ARHGAP5: variants seen among roughly 807,000 people sequenced by gnomAD.
The protein encoded by ARHGAP5 is Rho GTPase activating protein 5, also known as rho GTPase-activating protein 5.
Under a neutral mutation model 116.6 loss-of-function variants are expected in ARHGAP5, and 23 were observed. The observed-to-expected ratio is 0.20, with a 90% CI of 0.14 to 0.28. The LOEUF (loss-of-function observed/expected upper bound fraction) is 0.28, where lower values mean the gene tolerates loss of function less well. ARHGAP5 is among the 10% of genes least tolerant of loss of function. ARHGAP5 has a pLI of 1.00. For missense variants in ARHGAP5, 1,405 were observed against 1,774.8 expected (o/e 0.79, Z 3.74); for synonymous variants, 574 against 602.0 (o/e 0.95, Z 0.68).
chr14:32,146,135 C>T, intron 3 of ARHGAP5, 128 bp from the exon 4 acceptor site: 1 of 616,918 alleles, frequency 1.6e-6, no homozygotes, highest in Middle Eastern at 2.8e-4. Flanking sequence ...TGGGCTCAAA[C>T]TCCTGGGCCA....
intron 1 of ARHGAP5, among the ~76,000 whole-genome samples, chr14:32,087,866 A>C (rs1019825507): frequency 6.6e-6 from 1 of 152,028 alleles, no homozygotes; most frequent in African/African-American, 2.4e-5. Context: ...GATGTGTTGA[A>C]GCCTTAGTAT....
intron 6 of ARHGAP5, chr14:32,154,219 C>T (rs188930920): frequency 1.1e-3 from 195 of 172,068 alleles, no homozygotes; most frequent in South Asian, 3.8e-3. Flanking sequence ...GGCGCGATCT[C>T]GGCTCACCAC....
chr14:32,131,852 G>A (rs549147379), intron 3 of ARHGAP5, among the ~76,000 whole-genome samples: 1 of 152,112 alleles, frequency 6.6e-6, no homozygotes, highest in South Asian at 2.1e-4. Context: ...TTTTGTCCTT[G>A]CGATAGTTTG....
Position 32,159,312 on chromosome 14 carries a change from T to G in ARHGAP5, c.*4364T>G, listed in dbSNP as rs770631680. 3.3e-5 allele frequency: 5 copies of G among 152,188 alleles called. No homozygotes were observed. Among genetic ancestry groups the G allele is most frequent in the African/African-American group, 4.8e-5 (2 of 41,470 alleles). The allele number at this position is 152,188 out of a possible 1,614,324, so 9.4% of individuals were successfully genotyped here. ...TTGTTTATTCTCACAATTCAGATTT[T>G]CTATTCAGTTTTGTCTCAAATAGTA... On this transcript the variant is annotated 3_prime_UTR_variant, in exon 7 of 7. Transcript: ENST00000345122.
intron 2 of ARHGAP5, among the ~76,000 whole-genome samples, chr14:32,116,873 T>C (rs1341687578): frequency 6.6e-6 from 1 of 152,196 alleles, no homozygotes; most frequent in African/African-American, 2.4e-5. Context: ...AAAAGTGATA[T>C]TTTCTATTCT....
chr14:32,082,537 A>G (rs749283371), intron 1 of ARHGAP5, among the ~76,000 whole-genome samples: 39 of 151,746 alleles, frequency 2.6e-4, no homozygotes, highest in Non-Finnish European at 5.0e-4. Context: ...TTGCTCTTTT[A>G]TTGATTAATT....
intron 2 of ARHGAP5, among the ~76,000 whole-genome samples, chr14:32,103,644 CA>C (rs1489532748): frequency 6.6e-6 from 1 of 152,022 alleles, no homozygotes; most frequent in East Asian, 1.9e-4. Flanking sequence ...ATAGGTTTGC[CA>C]ATTTATGTAC....
intron 2 of ARHGAP5, among the ~76,000 whole-genome samples, chr14:32,097,838 T>C (rs1594351827): frequency 6.6e-6 from 1 of 152,156 alleles, no homozygotes; most frequent in East Asian, 1.9e-4. Flanking sequence ...AACAGAAAAC[T>C]AGAGAAAGTA....
Position 32,091,554 on chromosome 14 carries a change from T to C in ARHGAP5, c.885T>C (p.Asn295=), listed in dbSNP as rs144586464. The change falls in exon 2 of 7, where the codon AAT becomes AAC. Residue 295 remains asparagine (N), a synonymous_variant. Transcript: ENST00000345122. ...ATGCAACTTGGAAAACTGTTAGTAATAAATTAAAAAATCATCCTGATTATG... is the reference window on the plus strand; with the variant it reads ...ATGCAACTTGGAAAACTGTTAGTAACAAATTAAAAAATCATCCTGATTATG... The part of the protein sequence containing the change: ...DYHATWKTVS[N]KLKNHPDYEE... 319 of 1,611,714 alleles carry C rather than the reference T, an allele frequency of 2.0e-4. No individual in the cohort carries two copies. The highest frequency in any genetic ancestry group is 8.0e-4 in the Admixed American group (48 of 59,658).
rs756377108 is a variant in ARHGAP5, at chr14:32,091,769, T to C, written c.1100T>C (p.Leu367Ser). 1 of 1,613,712 alleles carries C rather than the reference T, an allele frequency of 6.2e-7. No individual in the cohort carries two copies. Among genetic ancestry groups the C allele is most frequent in the Non-Finnish European group, 8.5e-7 (1 of 1,179,676 alleles). ...EHLNWSEALK[L>S]MEKRADFQLC... ...TTGAATTGGTCAGAAGCTTTGAAGT[T>C]AATGGAAAAGAGAGCAGATTTCCAG... Residue 367 changes from leucine to serine, a missense_variant, in exon 2 of 7, where the codon TTA (leucine) becomes TCA (serine). Leu to Ser is a moderately radical substitution (Grantham distance 145). Coordinates refer to ENST00000345122, the MANE Select transcript of ARHGAP5 (RefSeq NM_001030055.2).
chr14:32,142,637 C>T (rs1881180037), intron 3 of ARHGAP5, among the ~76,000 whole-genome samples: 1 of 152,206 alleles, frequency 6.6e-6, no homozygotes, highest in African/African-American at 2.4e-5. Flanking sequence ...GGTTGAAATC[C>T]ATGACCACAG....
intron 3 of ARHGAP5, 148 bp downstream of exon 3, chr14:32,117,435 A>G: frequency 1.4e-6 from 1 of 703,686 alleles, no homozygotes; most frequent in East Asian, 3.3e-5. Context: ...TAACCATCTG[A>G]TATTTGAAAG....
intron 3 of ARHGAP5, among the ~76,000 whole-genome samples, chr14:32,125,345 C>A (rs1023733634): frequency 6.6e-6 from 1 of 152,142 alleles, no homozygotes; most frequent in African/African-American, 2.4e-5. Context: ...TGTGTATATA[C>A]ATACATACAT....
intron 3 of ARHGAP5, among the ~76,000 whole-genome samples, chr14:32,140,066 C>CTTT (rs764763402): frequency 5.4e-4 from 15 of 28,014 alleles, no homozygotes; most frequent in African/African-American, 1.9e-3. Flanking sequence ...TTTTCTCTCT[C>CTTT]TTTTTTTTTT....
intron 3 of ARHGAP5, among the ~76,000 whole-genome samples, chr14:32,140,087 G>GTTTTTTTTTT (rs1881028802): frequency 6.7e-5 from 2 of 29,852 alleles, no homozygotes; most frequent in Admixed American, 3.0e-4. Flanking sequence ...TTTTTTTTAG[G>GTTTTTTTTTT]TTATTTGTTC....
chr14:32,129,468 G>A (rs1230630221), intron 3 of ARHGAP5, among the ~76,000 whole-genome samples: 1 of 152,210 alleles, frequency 6.6e-6, no homozygotes, highest in Non-Finnish European at 1.5e-5. Context: ...AAGTGGATTA[G>A]AAGGATAAAC....
intron 3 of ARHGAP5, among the ~76,000 whole-genome samples, chr14:32,141,718 C>A (rs1594390669): frequency 6.6e-6 from 1 of 152,038 alleles, no homozygotes; most frequent in Non-Finnish European, 1.5e-5. Flanking sequence ...TCTCAACTTT[C>A]GTTTATCTAA....
At chr14:32,128,613 C>T (rs772836405) in intron 3 of ARHGAP5, among the ~76,000 whole-genome samples, 11 of 152,224 alleles carry the variant, frequency 7.2e-5, no homozygotes, top group Non-Finnish European at 1.0e-4. Context: ...TCCCTGGGCT[C>T]GCCGCGCCTG....
At chr14:32,125,432 G>A (rs962636257) in intron 3 of ARHGAP5, among the ~76,000 whole-genome samples, 3 of 152,208 alleles carry the variant, frequency 2.0e-5, no homozygotes, top group Admixed American at 6.5e-5. Context: ...TGAACAGTCT[G>A]CTGTGAACAT....
Sources: gnomAD v4.1 joint callset for allele counts (sites outside exome capture counted in the v4.1 genomes callset) on GRCh38, gnomAD v4.1.1 for gene constraint, MANE v1.5 for transcripts, NCBI Gene and HGNC (gene_info 2026-07-23, HGNC 2026-07-21) for gene names.